The following MREG variants were observed in gnomAD, a reference collection of about 807,000 sequenced individuals.
MREG encodes the protein melanoregulin.
In MREG, 31 loss-of-function variants were observed where a neutral mutation model predicts 28.5. The ratio of observed to expected loss-of-function variants is 1.09; its 90% CI spans 0.82 to 1.47. The LOEUF (loss-of-function observed/expected upper bound fraction) is 1.47. MREG is among the 40% of genes most tolerant of loss of function. MREG has a pLI of 0.00. For synonymous variants in MREG, 106 were observed against 95.2 expected, an observed-to-expected ratio of 1.11 and a Z score of -0.66; for missense variants, 256 against 257.4, an observed-to-expected ratio of 0.99 and a Z score of 0.04.
chr2:215,980,486 C>T (rs976357893), intron 2 of MREG, among the ~76,000 whole-genome samples: 10 of 152,228 alleles, frequency 6.6e-5, no homozygotes, highest in African/African-American at 2.4e-4. Context: ...CTCCACCAGG[C>T]ATCAGCCTCT....
intron 2 of MREG, among the ~76,000 whole-genome samples, chr2:215,991,569 C>T (rs995194825): frequency 6.7e-5 from 10 of 149,470 alleles, no homozygotes; most frequent in Admixed American, 3.3e-4. Context: ...GGTAGAGACA[C>T]GAAAAACCGT....
downstream of MREG, among the ~76,000 whole-genome samples, chr2:215,941,158 C>T (rs1159327777): frequency 2.6e-5 from 4 of 152,178 alleles, no homozygotes; most frequent in South Asian, 2.1e-4. Context: ...TTCCACATGG[C>T]TTTCCCTTTA....
chr2:216,029,665 G>A (rs1042347991), intron 1 of MREG, among the ~76,000 whole-genome samples: 13 of 152,280 alleles, frequency 8.5e-5, no homozygotes, highest in Admixed American at 1.3e-4. Context: ...TCACAAACTC[G>A]CCAGAAGCTG....
chr2:215,939,320 G>A (rs1482184641), downstream of MREG: 1 of 152,026 alleles, frequency 6.6e-6, no homozygotes, highest in Non-Finnish European at 1.5e-5. Context: ...AAGTGAAGAC[G>A]ATATATTTAT....
chr2:215,999,338 T>C (rs188843773), intron 1 of MREG, among the ~76,000 whole-genome samples: 1 of 152,232 alleles, frequency 6.6e-6, no homozygotes, highest in African/African-American at 2.4e-5. Context: ...AGAAGATGGC[T>C]TAGGAGGGTG....
chr2:215,962,508 G>C (rs561465709), intron 2 of MREG, among the ~76,000 whole-genome samples: 2 of 152,284 alleles, frequency 1.3e-5, no homozygotes, highest in East Asian at 3.9e-4. Context: ...ATTAGTCACA[G>C]CAAAGACAAA....
intron 1 of MREG, among the ~76,000 whole-genome samples, chr2:215,998,320 A>AATAATAAT (rs1553554016): frequency 7.2e-5 from 10 of 138,902 alleles, no homozygotes; most frequent in African/African-American, 1.9e-4. Flanking sequence ...AAAAAAAAAA[A>AATAATAAT]AATAATAATA....
intron 2 of MREG, among the ~76,000 whole-genome samples, chr2:215,955,241 A>G (rs546957769): frequency 2.6e-5 from 4 of 152,228 alleles, no homozygotes; most frequent in African/African-American, 4.8e-5. Flanking sequence ...TTTAGTATAG[A>G]CAGAAATGGA....
downstream of MREG, among the ~76,000 whole-genome samples, chr2:215,940,150 ATGTT>A (rs1288981300): frequency 1.3e-5 from 2 of 152,204 alleles, no homozygotes; most frequent in Admixed American, 6.5e-5. Flanking sequence ...CTAAATCCAT[ATGTT>A]TAAGTGACTT....
At chr2:216,031,851 T>C (rs548667236) in intron 1 of MREG, among the ~76,000 whole-genome samples, 1 of 152,322 alleles carries the variant, frequency 6.6e-6, no homozygotes, top group African/African-American at 2.4e-5. Flanking sequence ...TCGCAGCAAG[T>C]CTTACCTACC....
intron 2 of MREG, among the ~76,000 whole-genome samples, chr2:215,994,322 A>C (rs1243788431): frequency 6.6e-6 from 1 of 151,844 alleles, no homozygotes; most frequent in Non-Finnish European, 1.5e-5. Context: ...ACAGAAAACC[A>C]AACACCACAT....
At chr2:216,022,097 A>C (rs1694528362) in intron 1 of MREG, among the ~76,000 whole-genome samples, 2 of 152,040 alleles carry the variant, frequency 1.3e-5, no homozygotes. Context: ...AATTAGAAAA[A>C]TTAGCTGGGT....
intron 2 of MREG, among the ~76,000 whole-genome samples, chr2:215,956,994 G>A (rs1692643005): frequency 6.6e-6 from 1 of 152,174 alleles, no homozygotes; most frequent in Admixed American, 6.5e-5. Flanking sequence ...AGCACACACA[G>A]CAGGTAAGTG....
intron 2 of MREG, among the ~76,000 whole-genome samples, chr2:215,969,664 T>C (rs1006057528): frequency 1.3e-5 from 2 of 152,150 alleles, no homozygotes; most frequent in African/African-American, 4.8e-5. Context: ...AGGGAGACAG[T>C]ATGTCCACCT....
chr2:216,008,541 T>A (rs1559197174), intron 1 of MREG, among the ~76,000 whole-genome samples: 1 of 152,250 alleles, frequency 6.6e-6, no homozygotes, highest in Non-Finnish European at 1.5e-5. Flanking sequence ...TTCATCTGGA[T>A]GCCCACCTGC....
chr2:215,969,422 C>G (rs982468166), intron 2 of MREG, among the ~76,000 whole-genome samples: 1 of 152,156 alleles, frequency 6.6e-6, no homozygotes, highest in Non-Finnish European at 1.5e-5. Flanking sequence ...GATTTCACCC[C>G]CTTTACAAGC....
chr2:215,991,330 T>C (rs1693714822), intron 2 of MREG, among the ~76,000 whole-genome samples: 2 of 152,154 alleles, frequency 1.3e-5, no homozygotes, highest in Admixed American at 1.3e-4. Context: ...ATAAATAAGT[T>C]CTCTGAAACC....
Position 215,966,656 on chromosome 2 carries a change from C to T in MREG, c.256-19543G>A, listed in dbSNP as rs184890226. Among the ~76,000 whole-genome samples, 112 of 146,326 alleles carry T rather than the reference C, an allele frequency of 7.7e-4. No individual in the cohort carries two copies. The Middle Eastern group carries it at 0.011, about 14-fold the overall frequency. The stretch of plus-strand genomic sequence containing the variant: ...TCACTCTGTCATCCTGGCTGGAGTG[C>T]AGTGGCACGATCTCGGCTCACTGCA... On this transcript the variant is annotated intron_variant, in intron 2 of 4. Transcript: ENST00000263268.
intron 1 of MREG, among the ~76,000 whole-genome samples, chr2:216,019,106 G>A (rs543743801): frequency 6.2e-4 from 94 of 152,278 alleles, no homozygotes; most frequent in Non-Finnish European, 1.1e-3. Context: ...TTGCATTTCC[G>A]AAACAAGATC....
Sources: gnomAD v4.1 joint callset for allele counts (sites outside exome capture counted in the v4.1 genomes callset) on GRCh38, gnomAD v4.1.1 for gene constraint, MANE v1.5 for transcripts, NCBI Gene and HGNC (gene_info 2026-07-23, HGNC 2026-07-21) for gene names.